The following DIAPH2 variants were observed in gnomAD, a reference collection of about 807,000 sequenced individuals.
The protein encoded by DIAPH2 is diaphanous related formin 2, also known as protein diaphanous homolog 2.
DIAPH2 carries 35 observed loss-of-function variants against 92.7 expected under a neutral mutation model. That is an observed-to-expected ratio of 0.38 (90% confidence interval 0.29 to 0.50). The LOEUF (loss-of-function observed/expected upper bound fraction) is 0.50. Ranked by LOEUF, DIAPH2 falls within the 20% of genes least tolerant of loss-of-function variation. The probability of loss-of-function intolerance (pLI) is 0.94; values close to 1 mark genes in which losing one functional copy is unlikely to be tolerated. For synonymous variants in DIAPH2, 301 were observed against 280.4 expected (o/e 1.07, Z -0.73); for missense variants, 701 against 819.5 (o/e 0.86, Z 1.77).
At chrX:97,570,130 AT>A (rs1368107292) in intron 26 of DIAPH2, among the ~76,000 whole-genome samples, 1 of 49,271 alleles carries the variant, frequency 2.0e-5, no homozygotes, top group African/African-American at 6.1e-5. Flanking sequence ...ATATTAGAAG[AT>A]AGATAGATAG....
At chrX:97,417,742 A>C (rs1305154072) in intron 25 of DIAPH2, among the ~76,000 whole-genome samples, 1 of 111,078 alleles carries the variant, frequency 9.0e-6, no homozygotes, top group Admixed American at 9.6e-5. Context: ...AAGTTGTTAC[A>C]GTAACCCCCA....
chrX:97,278,035 A>T (rs756794279), intron 23 of DIAPH2, among the ~76,000 whole-genome samples: 3 of 111,628 alleles, frequency 2.7e-5, no homozygotes, highest in African/African-American at 9.7e-5. Flanking sequence ...TAGTAGAGAC[A>T]GGGTTTCACC....
chrX:97,131,960 T>C (rs1422785923), intron 21 of DIAPH2, among the ~76,000 whole-genome samples: 4 of 111,114 alleles, frequency 3.6e-5, no homozygotes, highest in Admixed American at 1.9e-4. Flanking sequence ...CTTGGATAAG[T>C]GGGGCTAGAA....
At chrX:97,251,152 GACACCCTATA>G (rs2068185452) in intron 23 of DIAPH2, among the ~76,000 whole-genome samples, 1 of 111,524 alleles carries the variant, frequency 9.0e-6, no homozygotes, top group African/African-American at 3.3e-5. Context: ...GTTCATGGCT[GACACCCTATA>G]ATACCATATT....
chrX:96,767,081 T>A (rs1279244180), intron 4 of DIAPH2, among the ~76,000 whole-genome samples: 2 of 111,793 alleles, frequency 1.8e-5, no homozygotes, highest in East Asian at 5.6e-4. Flanking sequence ...CATTTCCACC[T>A]ACAGTAATAT....
intron 26 of DIAPH2, among the ~76,000 whole-genome samples, chrX:97,496,654 A>ATTT (rs531696953): frequency 3.7e-5 from 3 of 81,559 alleles, no homozygotes. Context: ...CCTGAATTAG[A>ATTT]TTTTTTTTTT....
chrX:96,693,206 A>G (rs769440235), intron 1 of DIAPH2, among the ~76,000 whole-genome samples: 1 of 112,122 alleles, frequency 8.9e-6, no homozygotes, highest in Non-Finnish European at 1.9e-5. Context: ...CTAGCTGTAG[A>G]CTCAAGTAGA....
At chrX:97,105,370 G>A (rs1325691150) in intron 20 of DIAPH2, among the ~76,000 whole-genome samples, 2 of 111,420 alleles carry the variant, frequency 1.8e-5, no homozygotes, top group African/African-American at 6.5e-5. Context: ...ACAGATCCTG[G>A]TAAGGGGGAC....
At chrX:97,015,231 A>G (rs2066252271) in intron 17 of DIAPH2, among the ~76,000 whole-genome samples, 1 of 111,801 alleles carries the variant, frequency 8.9e-6, no homozygotes, top group Admixed American at 9.5e-5. Flanking sequence ...ATCAAAATGT[A>G]CCATATTTAG....
intron 24 of DIAPH2, among the ~76,000 whole-genome samples, chrX:97,349,396 C>A (rs1472222983): frequency 9.0e-6 from 1 of 111,263 alleles, no homozygotes; most frequent in Non-Finnish European, 1.9e-5. Context: ...TAATCCCCAA[C>A]AGGAAGATCA....
At chrX:97,001,614 C>T (rs1488349962) in intron 17 of DIAPH2, among the ~76,000 whole-genome samples, 1 of 111,538 alleles carries the variant, frequency 9.0e-6, no homozygotes, top group Non-Finnish European at 1.9e-5. Flanking sequence ...CCACTGCACT[C>T]CAGCCCGGGC....
intron 4 of DIAPH2, among the ~76,000 whole-genome samples, chrX:96,786,411 T>C (rs4969692): frequency 0.1 from 11,542 of 111,469 alleles, 542 homozygotes; most frequent in East Asian, 0.32. Context: ...TGTGAAGAGC[T>C]GGGATTGTAA....
chrX:97,541,814 G>C (rs779800749), intron 26 of DIAPH2, among the ~76,000 whole-genome samples: 1 of 112,342 alleles, frequency 8.9e-6, no homozygotes, highest in Non-Finnish European at 1.9e-5. Context: ...CTGGACAAGA[G>C]AGTGGACAGG....
intron 17 of DIAPH2, among the ~76,000 whole-genome samples, chrX:97,019,270 T>C (rs1384362623): frequency 1.8e-5 from 2 of 111,811 alleles, no homozygotes; most frequent in Non-Finnish European, 1.9e-5. Flanking sequence ...AAGAGTATGT[T>C]TATTTTTATA....
intron 24 of DIAPH2, among the ~76,000 whole-genome samples, chrX:97,368,244 A>G (rs1327235535): frequency 8.9e-6 from 1 of 112,319 alleles, no homozygotes; most frequent in African/African-American, 3.2e-5. Flanking sequence ...AAGATATCTA[A>G]TAAGACTTGT....
intron 4 of DIAPH2, among the ~76,000 whole-genome samples, chrX:96,848,821 T>C (rs1319681317): frequency 1.8e-5 from 2 of 112,403 alleles, no homozygotes; most frequent in African/African-American, 3.2e-5. Flanking sequence ...TTTATCTTTA[T>C]TCTGCCTTTT....
chrX:97,536,379 A>G (rs763653242), intron 26 of DIAPH2, among the ~76,000 whole-genome samples: 179 of 112,327 alleles, frequency 1.6e-3, no homozygotes, highest in Non-Finnish European at 2.7e-3. Flanking sequence ...TGAAAATATC[A>G]TATGAGTCAG....
intron 26 of DIAPH2, among the ~76,000 whole-genome samples, chrX:97,434,560 C>T (rs1328300249): frequency 3.0e-5 from 3 of 99,659 alleles, no homozygotes; most frequent in Admixed American, 1.1e-4. Flanking sequence ...AGGCACACGC[C>T]ACCGCACCCA....
chrX:97,295,920 C>A (rs2068639669), intron 23 of DIAPH2, among the ~76,000 whole-genome samples: 1 of 109,876 alleles, frequency 9.1e-6, no homozygotes, highest in Admixed American at 9.9e-5. Context: ...TTAGTAGAGA[C>A]AGGGCTTCAC....
Sources: gnomAD v4.1 joint callset for allele counts (sites outside exome capture counted in the v4.1 genomes callset) on GRCh38, gnomAD v4.1.1 for gene constraint, MANE v1.5 for transcripts, NCBI Gene and HGNC (gene_info 2026-07-23, HGNC 2026-07-21) for gene names.